The following DDRGK1 variants were observed in gnomAD, a reference collection of about 807,000 sequenced individuals.
DDRGK1 encodes DDRGK domain-containing protein 1.
A neutral mutation model predicts 45.8 loss-of-function variants in DDRGK1; 38 were observed. The ratio of observed to expected loss-of-function variants is 0.83; its 90% CI spans 0.64 to 1.09. DDRGK1 has a LOEUF of 1.09. Among genes scored for constraint, DDRGK1 ranks in the 50% least tolerant of loss-of-function variants. The pLI is 0.00. For missense variants in DDRGK1, 403 were observed against 419.9 expected, an observed-to-expected ratio of 0.96 and a Z score of 0.35; for synonymous variants, 171 against 168.7, an observed-to-expected ratio of 1.01 and a Z score of -0.11.
chr20:3,190,900 C>A, intron 8 of DDRGK1, 81 bp from the exon 9 acceptor site: 1 of 1,510,354 alleles, frequency 6.6e-7, no homozygotes, highest in Non-Finnish European at 8.9e-7. Context: ...TACTCCTTCA[C>A]AGCTGGCTCA....
intron 6 of DDRGK1, among the ~76,000 whole-genome samples, chr20:3,194,554 G>A (rs1316059876): frequency 2.6e-5 from 4 of 152,262 alleles, no homozygotes; most frequent in Non-Finnish European, 5.9e-5. Context: ...CTGACTCACT[G>A]AGCGTGGGGT....
intron 7 of DDRGK1, 59 bp downstream of exon 7, chr20:3,191,706 T>C (rs2066990042): frequency 6.5e-7 from 1 of 1,545,310 alleles, no homozygotes; most frequent in South Asian, 1.2e-5. Flanking sequence ...GCAGGTCCTC[T>C]CTGCTAGCCA....
rs948031749 is a variant in DDRGK1 at position 3,190,464 on chromosome 20, A to T, written c.*189T>A. The T allele has an allele frequency of 1.5e-6, 1 of 678,122 alleles. No individual in the cohort carries two copies. The highest frequency in any genetic ancestry group is 1.8e-5 in the African/African-American group (1 of 55,302). 42.0% of individuals were successfully genotyped at this position (678,122 alleles called of 1,614,324 possible). Reference sequence around the variant, plus strand: ...GGATATATTCTGAAGCCTAAATTTCACCTGCTTATCTAGGATCCTAGGCCA... The same window carrying T: ...GGATATATTCTGAAGCCTAAATTTCTCCTGCTTATCTAGGATCCTAGGCCA... On this transcript the variant is annotated 3_prime_UTR_variant, in exon 9 of 9. Transcript: ENST00000354488.
intron 4 of DDRGK1, 28 bp from the exon 5 acceptor site, chr20:3,195,381 T>A (rs1447362670): frequency 6.4e-7 from 1 of 1,569,040 alleles, no homozygotes; most frequent in Admixed American, 1.8e-5. Context: ...AAAAGTCAGG[T>A]ATCGGGGGCA....
intron 6 of DDRGK1, among the ~76,000 whole-genome samples, chr20:3,192,997 G>A (rs563383677): frequency 7.2e-5 from 11 of 152,306 alleles, no homozygotes; most frequent in African/African-American, 2.2e-4. Context: ...AGTGTGGTGC[G>A]AGAACATGAA....
Position 3,203,168 on chromosome 20 carries a change from C to G in DDRGK1, c.295+45G>C, listed in dbSNP as rs542805598. Reference sequence around the variant, plus strand: ...TAGCTTTGGGGGCCCTTTTATCCCCCCCTCCAACCCAAACCCTCTCCCCAC... The same window carrying G: ...TAGCTTTGGGGGCCCTTTTATCCCCGCCTCCAACCCAAACCCTCTCCCCAC... On this transcript the variant is annotated intron_variant, in intron 2 of 8. Coordinates refer to ENST00000354488, the MANE Select transcript of DDRGK1 (RefSeq NM_023935.3). 5 of 1,472,850 alleles carry G rather than the reference C, an allele frequency of 3.4e-6. No homozygotes were observed. The African/African-American group carries it at 5.7e-5, about 17-fold the overall frequency. 91.2% of individuals were successfully genotyped at this position (1,472,850 alleles called of 1,614,324 possible).
rs1382911237 is a variant in DDRGK1, at chr20:3,204,604, C to T, written c.24G>A (p.Leu8=). Residue 8 remains leucine, a synonymous_variant, in exon 1 of 9, where the codon TTG becomes TTA. Coordinates refer to ENST00000354488, the MANE Select transcript of DDRGK1 (RefSeq NM_023935.3). MVAPVWY[L]VAAALLVGFI... ...AGCCGACTAGCAGAGCCGCCGCTAC[C>T]AAGTACCACACAGGCGCCACCATGA... 1 of 1,590,314 alleles carries T rather than the reference C, an allele frequency of 6.3e-7. No homozygotes were observed. Among genetic ancestry groups the T allele is most frequent in the South Asian group, 1.1e-5 (1 of 88,442 alleles).
chr20:3,192,579 C>T (rs113979858), intron 6 of DDRGK1, among the ~76,000 whole-genome samples: 1 of 152,342 alleles, frequency 6.6e-6, no homozygotes, highest in Non-Finnish European at 1.5e-5. Flanking sequence ...CTTGAAATCA[C>T]TGTCACTAAT....
Position 3,200,037 on chromosome 20 carries a change from C to T in DDRGK1, c.474G>A (p.Lys158=), listed in dbSNP as rs750323171. ...CCTCCAGGCGAAGCCGCTCCTCCTC[C>T]TTCTTCCACTCAGCTTCGCGCTGGG... ...LESQREAEWK[K]EEERLRLEEE... is the part of the protein sequence containing the mutation. The change falls in exon 4 of 9, where the codon AAG becomes AAA. Residue 158 remains lysine, a synonymous_variant. Coordinates refer to ENST00000354488, the MANE Select transcript of DDRGK1 (RefSeq NM_023935.3). The T allele has an allele frequency of 6.2e-7, 1 of 1,613,890 alleles. No homozygotes were observed. Among genetic ancestry groups the T allele is most frequent in the Admixed American group, 1.7e-5 (1 of 59,994 alleles).
intron 4 of DDRGK1, among the ~76,000 whole-genome samples, chr20:3,197,921 CAAA>C (rs34622182): frequency 1.7e-4 from 11 of 65,494 alleles, no homozygotes; most frequent in Admixed American, 3.7e-4. Context: ...GACTGTATCT[CAAA>C]AAAAAAAAAA....
At chr20:3,195,503 C>T (rs2067006485) in intron 4 of DDRGK1, 150 bp from the exon 5 acceptor site, 31 of 1,187,170 alleles carry the variant, frequency 2.6e-5, no homozygotes, top group Non-Finnish European at 3.1e-5. Flanking sequence ...TTCTCCATTC[C>T]CCCAAGCTGA....
chr20:3,203,163 TC>T, intron 2 of DDRGK1, 49 bp downstream of exon 2: 18 of 1,456,880 alleles, frequency 1.2e-5, no homozygotes, highest in Admixed American at 7.9e-5. Context: ...GGCCCTTTTA[TC>T]CCCCCCTCCA....
rs201206700 is a variant in DDRGK1, at chr20:3,190,674, G to C, written c.924C>G (p.Ser308=). ...SNSLIAWGRE[S]PAQAPA ...GGGGTCAGGCTGGGGCTTGGGCAGG[G>C]GACTCCCGGCCCCAGGCGATGAGGG... is the stretch of plus-strand genomic sequence containing the variant. The change falls in exon 9 of 9, where the codon TCC becomes TCG. Residue 308 remains serine (S), a synonymous_variant. Transcript: ENST00000354488. 1 of 1,613,852 alleles carries C rather than the reference G, an allele frequency of 6.2e-7. No homozygotes were observed. The highest frequency in any genetic ancestry group is 2.2e-5 in the East Asian group (1 of 44,878).
Position 3,203,385 on chromosome 20 carries a change from C to G in DDRGK1, c.123G>C (p.Leu41=). Residue 41 remains leucine, a synonymous_variant, in exon 2 of 9, where the codon CTG becomes CTC. Coordinates refer to ENST00000354488, the MANE Select transcript of DDRGK1 (RefSeq NM_023935.3). The part of the protein sequence containing the change: ...AGQEPLHNEE[L]AGAGRVAQPG... ...GCTGGGCCACCCGGCCTGCTCCTGC[C>G]AGCTCCTCATTGTGCAGTGGCTCTT... 6.2e-7 allele frequency: 1 copy of G among 1,602,284 alleles called. No individual in the cohort carries two copies. The highest frequency in any genetic ancestry group is 8.5e-7 in the Non-Finnish European group (1 of 1,174,506).
At chr20:3,197,096 G>GACACA (rs1568500291) in intron 4 of DDRGK1, among the ~76,000 whole-genome samples, 3 of 151,652 alleles carry the variant, frequency 2.0e-5, no homozygotes, top group African/African-American at 7.3e-5. Flanking sequence ...GGTGGCGGGT[G>GACACA]CCTGTAATCC....
rs748234323 is a variant in DDRGK1, at chr20:3,200,044, C to G, written c.467G>C (p.Trp156Ser). The G allele has an allele frequency of 6.2e-7, 1 of 1,613,912 alleles. No homozygotes were observed. ...KRLESQREAEWKKEEERLRLE... is the reference protein window; with the variant it reads ...KRLESQREAESKKEEERLRLE... The stretch of plus-strand genomic sequence containing the variant: ...GCGAAGCCGCTCCTCCTCCTTCTTC[C>G]ACTCAGCTTCGCGCTGGGACTCGAG... The change falls in exon 4 of 9, where the codon TGG (tryptophan) becomes TCG (serine). Residue 156 changes from tryptophan (W) to serine (S), a missense_variant. Coordinates refer to ENST00000354488, the MANE Select transcript of DDRGK1 (RefSeq NM_023935.3).
At position 3,199,960 on chromosome 20, in the gene DDRGK1, C is replaced by T. The variant is rs749350122; in HGVS notation, c.510+41G>A. On this transcript the variant is annotated intron_variant, in intron 4 of 8. Coordinates refer to ENST00000354488, the MANE Select transcript of DDRGK1 (RefSeq NM_023935.3). ...CTGCATAAGAAGCAAGGCTGCCTTG[C>T]CTGGTCAAGGGTCAGAGGTCAGGGT... 7 of 1,544,466 alleles carry T rather than the reference C, an allele frequency of 4.5e-6. No homozygotes were observed. The South Asian group carries it at 8.7e-5, about 19-fold the overall frequency.
chr20:3,203,489 G>C, intron 1 of DDRGK1, 73 bp from the exon 2 acceptor site: 2 of 1,433,672 alleles, frequency 1.4e-6, no homozygotes, highest in Non-Finnish European at 1.8e-6. Flanking sequence ...GCGGCAGCCC[G>C]GAAGCCTCAC....
intron 1 of DDRGK1, among the ~76,000 whole-genome samples, chr20:3,204,066 G>T (rs373078754): frequency 2.6e-5 from 4 of 152,216 alleles, no homozygotes; most frequent in African/African-American, 9.6e-5. Context: ...CGGGAAGGGA[G>T]AGAGCTTCAG....
Sources: gnomAD v4.1 joint callset for allele counts (sites outside exome capture counted in the v4.1 genomes callset) on GRCh38, gnomAD v4.1.1 for gene constraint, MANE v1.5 for transcripts, NCBI Gene and HGNC (gene_info 2026-07-23, HGNC 2026-07-21) for gene names.